Variants in RAD51B observed in about 807,000 individuals in gnomAD.
RAD51B encodes RAD51 paralog B.
RAD51B carries 38 observed loss-of-function variants against 42.2 expected under a neutral mutation model. The ratio of observed to expected loss-of-function variants is 0.90; its 90% CI spans 0.70 to 1.18. RAD51B has a LOEUF of 1.18. Ranked by LOEUF, RAD51B falls within the 50% of genes most tolerant of loss-of-function variation. The pLI, the probability that RAD51B is intolerant of heterozygous loss-of-function variation, is 0.00. For synonymous variants in RAD51B, 154 were observed against 145.2 expected (o/e 1.06, Z -0.43); for missense variants, 373 against 400.7 (o/e 0.93, Z 0.59).
chr14:68,576,143 G>A (rs545371118), intron 10 of RAD51B, among the ~76,000 whole-genome samples: 3 of 152,304 alleles, frequency 2.0e-5, no homozygotes, highest in Admixed American at 2.0e-4. Flanking sequence ...CCAGAGCAAA[G>A]AGGGAGCAGG....
intron 7 of RAD51B, among the ~76,000 whole-genome samples, chr14:68,062,937 T>C (rs575668326): frequency 6.6e-6 from 1 of 152,280 alleles, no homozygotes; most frequent in South Asian, 2.1e-4. Context: ...ATTGGTCTGT[T>C]CATGCTTTCC....
At chr14:68,131,737 C>T (rs770516589) in intron 7 of RAD51B, among the ~76,000 whole-genome samples, 9 of 152,036 alleles carry the variant, frequency 5.9e-5, no homozygotes, top group African/African-American at 1.7e-4. Flanking sequence ...TTCTTCCTAT[C>T]GCTCTCTGTT....
In RAD51B at chr14:68,087,964, T is replaced by TTATTATTATATATAATTATATAATA. The variant is rs1467453388; in HGVS notation, c.756+200810_756+200834dup. Among the ~76,000 whole-genome samples the TTATTATTATATATAATTATATAATA allele has an allele frequency of 9.2e-4, 103 of 111,990 alleles. 5 individuals are homozygous for TTATTATTATATATAATTATATAATA. The highest frequency in any genetic ancestry group is 1.7e-3 in the East Asian group (7 of 4,136). 73.5% of individuals were successfully genotyped at this position (111,990 alleles called of 152,430 possible). A position where few individuals can be genotyped will look rare whatever the true frequency, so the allele number is the denominator to read the frequency against. On this transcript the variant is annotated intron_variant, in intron 7 of 10. Transcript: ENST00000471583. ...TTATTATTATATATAATTATATAATTTATTATTATATATAATTATATAATA... is the reference window on the plus strand; with the variant it reads ...TTATTATTATATATAATTATATAATTTATTATTATATATAATTATATAATATATTATTATATATAATTATATAATA...
intron 10 of RAD51B, among the ~76,000 whole-genome samples, chr14:68,551,321 G>T (rs1056844547): frequency 6.6e-6 from 1 of 152,144 alleles, no homozygotes; most frequent in Non-Finnish European, 1.5e-5. Context: ...TGGCTCCAGG[G>T]CCCCTTCAGC....
At chr14:68,658,261 C>T (rs1035871212) in intron 11 of RAD51B, among the ~76,000 whole-genome samples, 2 of 152,218 alleles carry the variant, frequency 1.3e-5, no homozygotes, top group African/African-American at 4.8e-5. Flanking sequence ...ACCCTGGAAA[C>T]CTTGGTGCTA....
At chr14:68,540,744 C>T (rs1887919807) in intron 10 of RAD51B, 1 of 985,208 alleles carries the variant, frequency 1.0e-6, no homozygotes, top group Admixed American at 6.2e-5. Flanking sequence ...GTGAGGGACA[C>T]TTTGTGAAGA....
At chr14:67,988,245 G>C (rs1465705894) in intron 7 of RAD51B, among the ~76,000 whole-genome samples, 2 of 152,106 alleles carry the variant, frequency 1.3e-5, no homozygotes, top group Non-Finnish European at 2.9e-5. Flanking sequence ...CGGATCATGA[G>C]GTCAGGAGTT....
At chr14:67,927,703 A>ATGTGTG (rs35189653) in intron 7 of RAD51B, among the ~76,000 whole-genome samples, 194 of 137,434 alleles carry the variant, frequency 1.4e-3, no homozygotes, top group African/African-American at 3.6e-3. Context: ...ATTTCATTGT[A>ATGTGTG]TGTGTGTGTG....
At chr14:68,571,906 G>A (rs1594985334) in intron 10 of RAD51B, among the ~76,000 whole-genome samples, 1 of 152,142 alleles carries the variant, frequency 6.6e-6, no homozygotes, top group Non-Finnish European at 1.5e-5. Context: ...ATGAGAGTGA[G>A]CAGCCGCTAA....
chr14:68,634,776 T>G (rs967834329), intron 10 of RAD51B, among the ~76,000 whole-genome samples: 1 of 152,272 alleles, frequency 6.6e-6, no homozygotes, highest in South Asian at 2.1e-4. Flanking sequence ...CCTGGGATGC[T>G]GAGTACAGTT....
At chr14:68,412,084 A>C (rs1045931653) in intron 9 of RAD51B, among the ~76,000 whole-genome samples, 5 of 152,232 alleles carry the variant, frequency 3.3e-5, no homozygotes, top group Non-Finnish European at 7.3e-5. Flanking sequence ...TATCCTGGCC[A>C]AAACTGAAAA....
intron 7 of RAD51B, among the ~76,000 whole-genome samples, chr14:68,203,863 C>A (rs1259306416): frequency 2.6e-5 from 4 of 152,232 alleles, no homozygotes; most frequent in Admixed American, 6.5e-5. Context: ...TAACTTCCAA[C>A]TTTTCTTCTG....
intron 10 of RAD51B, among the ~76,000 whole-genome samples, chr14:68,579,216 G>T (rs1004277454): frequency 3.9e-5 from 6 of 152,136 alleles, no homozygotes; most frequent in African/African-American, 1.4e-4. Context: ...CTAGTATTCT[G>T]TTTCAAGTCC....
At chr14:68,434,548 G>A (rs111560212) in intron 9 of RAD51B, among the ~76,000 whole-genome samples, 23,980 of 152,252 alleles carry the variant, frequency 0.16, 2,509 homozygotes, top group Non-Finnish European at 0.23. Flanking sequence ...CAAGCCAGGC[G>A]TGCGTTATAA....
chr14:68,473,893 TATA>T (rs1330016421), intron 10 of RAD51B, among the ~76,000 whole-genome samples: 2 of 152,248 alleles, frequency 1.3e-5, no homozygotes, highest in African/African-American at 4.8e-5. Flanking sequence ...CCACACATAG[TATA>T]ATGATTGATT....
At chr14:68,043,393 AATT>A (rs2076245946) in intron 7 of RAD51B, among the ~76,000 whole-genome samples, 1 of 152,212 alleles carries the variant, frequency 6.6e-6, no homozygotes, top group Non-Finnish European at 1.5e-5. Context: ...GGTGGAATTT[AATT>A]CGTGATTCAT....
intron 8 of RAD51B, among the ~76,000 whole-genome samples, chr14:68,328,036 A>G (rs2082281559): frequency 6.6e-6 from 1 of 152,052 alleles, no homozygotes; most frequent in African/African-American, 2.4e-5. Flanking sequence ...TCACTTCCCT[A>G]TGGAACCCTC....
At chr14:67,947,190 C>T (rs1056075731) in intron 7 of RAD51B, among the ~76,000 whole-genome samples, 1 of 152,122 alleles carries the variant, frequency 6.6e-6, no homozygotes, top group African/African-American at 2.4e-5. Context: ...TTTATATCCC[C>T]ATGACTTAAT....
intron 11 of RAD51B, among the ~76,000 whole-genome samples, chr14:68,663,380 C>T (rs753709013): frequency 1.3e-5 from 2 of 152,182 alleles, no homozygotes; most frequent in East Asian, 3.9e-4. Flanking sequence ...CCTGGTTCTA[C>T]TGTAATGGGC....
Sources: allele counts gnomAD v4.1 joint callset (sites outside exome capture counted in the v4.1 genomes callset), GRCh38; gene constraint gnomAD v4.1.1; transcripts MANE v1.5; gene names NCBI Gene and HGNC (gene_info 2026-07-23, HGNC 2026-07-21).